RP1: variants seen among roughly 807,000 people sequenced by gnomAD.
RP1 encodes the protein RP1 axonemal microtubule associated.
Under a neutral mutation model 14.8 loss-of-function variants are expected in RP1, and 16 were observed. The ratio of observed to expected loss-of-function variants is 1.08; its 90% CI spans 0.73 to 1.65. RP1 has a LOEUF of 1.65. Among genes scored for constraint, RP1 ranks in the 40% most tolerant of loss-of-function variants. RP1 has a pLI of 0.00. For missense variants in RP1, 2,631 were observed against 2,535.0 expected, an observed-to-expected ratio of 1.04 and a Z score of -0.81; for synonymous variants, 876 against 883.6, an observed-to-expected ratio of 0.99 and a Z score of 0.15.
intron 25 of RP1, among the ~76,000 whole-genome samples, chr8:54,842,199 G>A (rs752204307): frequency 4.6e-5 from 7 of 152,142 alleles, no homozygotes; most frequent in East Asian, 1.9e-4. Flanking sequence ...TTTCATCCAC[G>A]AGAGAACTAT....
chr8:54,847,575 G>C (rs1811955308), intron 25 of RP1, among the ~76,000 whole-genome samples: 1 of 152,218 alleles, frequency 6.6e-6, no homozygotes, highest in South Asian at 2.1e-4. Context: ...GGCTCTCTGA[G>C]ACGAGGCCAT....
intron 25 of RP1, among the ~76,000 whole-genome samples, chr8:54,847,699 C>G (rs1284686586): frequency 6.6e-6 from 1 of 152,230 alleles, no homozygotes; most frequent in East Asian, 1.9e-4. Flanking sequence ...ATATCACAGG[C>G]CCTTGGCCTT....
rs892285778 is a variant in RP1, at chr8:54,626,199, C to A, written c.2317C>A (p.Leu773Ile). The change falls in exon 4 of 4, where the codon CTT becomes ATT. Residue 773 changes from leucine (L) to isoleucine (I), a missense_variant. Coordinates refer to ENST00000220676, the MANE Select transcript of RP1 (RefSeq NM_006269.2). ...TACTCAAAATTCCAAGGTTCAAGGACTTTTAACCAAAAGAAAATCTAGATC... is the reference window on the plus strand; with the variant it reads ...TACTCAAAATTCCAAGGTTCAAGGAATTTTAACCAAAAGAAAATCTAGATC... ...NTTQNSKVQGLLTKRKSRSLN... is the reference protein window; with the variant it reads ...NTTQNSKVQGILTKRKSRSLN... The A allele has an allele frequency of 3.1e-6, 5 of 1,609,614 alleles. No individual in the cohort carries two copies. The African/African-American group carries it at 6.7e-5, about 22-fold the overall frequency.
chr8:54,608,990 G>T (rs548385245), intron 1 of RP1, among the ~76,000 whole-genome samples: 2 of 152,280 alleles, frequency 1.3e-5, no homozygotes, highest in South Asian at 2.1e-4. Context: ...GCATGCTAAG[G>T]CATGAGGAAA....
At chr8:54,775,955 G>T (rs1810026086) in intron 23 of RP1, among the ~76,000 whole-genome samples, 1 of 152,120 alleles carries the variant, frequency 6.6e-6, no homozygotes, top group Admixed American at 6.6e-5. Context: ...AAATGCAGTT[G>T]GCCTTCTGTA....
At chr8:54,796,067 T>C (rs911068980) in intron 24 of RP1, among the ~76,000 whole-genome samples, 8 of 152,284 alleles carry the variant, frequency 5.3e-5, no homozygotes, top group African/African-American at 1.4e-4. Flanking sequence ...TTTTTCTCAA[T>C]TGGTAGCCAA....
intron 1 of RP1, among the ~76,000 whole-genome samples, chr8:54,580,571 C>T (rs190587249): frequency 6.6e-4 from 101 of 152,028 alleles, no homozygotes; most frequent in African/African-American, 2.3e-3. Context: ...TCCCAAAGTG[C>T]TGGGATTACA....
In RP1 at chr8:54,812,213, C is replaced by T. The variant is rs573076917; in HGVS notation, c.3616-25237C>T. Among the ~76,000 whole-genome samples the T allele has an allele frequency of 3.3e-5, 5 of 151,198 alleles. No homozygotes were observed. The South Asian group carries it at 6.3e-4, about 19-fold the overall frequency. Reference sequence around the variant, plus strand: ...TGGAGTGCAGTGGTGTGATCTCGGCCCACTGCAACTTCTGCCTCCCAGACT... The same window carrying T: ...TGGAGTGCAGTGGTGTGATCTCGGCTCACTGCAACTTCTGCCTCCCAGACT... On this transcript the variant is annotated intron_variant, in intron 24 of 28. Coordinates refer to the RP1 transcript ENST00000637698.
downstream of RP1, among the ~76,000 whole-genome samples, chr8:54,633,505 G>A (rs910911304): frequency 1.3e-5 from 2 of 152,104 alleles, no homozygotes; most frequent in South Asian, 4.1e-4. Flanking sequence ...ACTCATTAAA[G>A]TTCTTATGAA....
At chr8:54,684,969 C>A (rs1056516868) in intron 12 of RP1, among the ~76,000 whole-genome samples, 4 of 152,102 alleles carry the variant, frequency 2.6e-5, no homozygotes, top group African/African-American at 9.7e-5. Context: ...AGGGGAACAA[C>A]ACTTACTGCG....
intron 24 of RP1, among the ~76,000 whole-genome samples, chr8:54,792,261 T>C (rs574032349): frequency 3.3e-5 from 5 of 152,046 alleles, no homozygotes; most frequent in African/African-American, 1.2e-4. Flanking sequence ...AATATTATAA[T>C]AGTAAGGATC....
At chr8:54,717,877 G>T (rs1451656309) in intron 15 of RP1, among the ~76,000 whole-genome samples, 1 of 152,064 alleles carries the variant, frequency 6.6e-6, no homozygotes, top group Non-Finnish European at 1.5e-5. Context: ...GAATCAGTAA[G>T]TGTTTATAGT....
chr8:54,769,695 C>G, intron 22 of RP1: 1 of 1,237,276 alleles, frequency 8.1e-7, no homozygotes, highest in Non-Finnish European at 1.1e-6. Context: ...AATTTTCTCT[C>G]TATTTTCTCC....
At chr8:54,679,246 T>G (rs1807367257) in intron 9 of RP1, among the ~76,000 whole-genome samples, 1 of 152,218 alleles carries the variant, frequency 6.6e-6, no homozygotes, top group Non-Finnish European at 1.5e-5. Context: ...CCTTGCAGTC[T>G]TAGAGTCATT....
At chr8:54,727,854 A>G (rs1808695243) in intron 17 of RP1, among the ~76,000 whole-genome samples, 1 of 151,890 alleles carries the variant, frequency 6.6e-6, no homozygotes, top group South Asian at 2.1e-4. Flanking sequence ...TATCCAGAGC[A>G]TACGAGACAC....
chr8:54,703,147 T>C (rs148199648), intron 14 of RP1, among the ~76,000 whole-genome samples: 99 of 152,322 alleles, frequency 6.5e-4, no homozygotes, highest in African/African-American at 2.3e-3. Context: ...TAATGGCATC[T>C]AGAATGGTGA....
intron 21 of RP1, among the ~76,000 whole-genome samples, chr8:54,756,544 A>G (rs1250047637): frequency 2.0e-5 from 3 of 152,240 alleles, no homozygotes; most frequent in African/African-American, 7.2e-5. Flanking sequence ...ATGAATAGGA[A>G]AGCCAGTTCT....
exon 26 of RP1, chr8:54,852,688 A>G (rs1812083364): frequency 3.2e-6 from 4 of 1,231,988 alleles, no homozygotes; most frequent in South Asian, 4.1e-5. Context: ...CGAAGACTTC[A>G]TCAGTCCAAA....
chr8:54,575,212 T>C (rs531400967), intron 1 of RP1, among the ~76,000 whole-genome samples: 3 of 152,304 alleles, frequency 2.0e-5, no homozygotes, highest in East Asian at 1.9e-4. Flanking sequence ...AAGACTCTAC[T>C]GCACCAGCAG....
Sources: allele counts gnomAD v4.1 joint callset (sites outside exome capture counted in the v4.1 genomes callset), GRCh38; gene constraint gnomAD v4.1.1; transcripts MANE v1.5; gene names NCBI Gene and HGNC (gene_info 2026-07-23, HGNC 2026-07-21).